The following PLAGL2 variants were observed in gnomAD, a reference collection of about 807,000 sequenced individuals.
The protein encoded by PLAGL2 is PLAG1 like zinc finger 2.
PLAGL2 carries 7 observed loss-of-function variants against 29.0 expected under a neutral mutation model. The observed-to-expected ratio is 0.24, with a 90% CI of 0.14 to 0.45. PLAGL2 has a LOEUF of 0.45. Ranked by LOEUF, PLAGL2 falls within the 20% of genes least tolerant of loss-of-function variation. The pLI is 0.99. For synonymous variants in PLAGL2, 234 were observed against 266.0 expected (o/e 0.88, Z 1.17); for missense variants, 454 against 648.2 (o/e 0.70, Z 3.25).
rs773026582 is a variant in PLAGL2, at chr20:32,197,505, C to T, written c.438G>A (p.Leu146=). ...YNTKLGYRRH[L]AMHAASSGDL... is the part of the protein sequence containing the mutation. Reference sequence around the variant, plus strand: ...CACCGCTGCTGGCAGCATGCATGGCCAGGTGGCGCCGGTAGCCCAGCTTCG... The same window carrying T: ...CACCGCTGCTGGCAGCATGCATGGCTAGGTGGCGCCGGTAGCCCAGCTTCG... The change falls in exon 3 of 3, where the codon CTG becomes CTA. Residue 146 remains leucine, a synonymous_variant. Coordinates refer to ENST00000246229, the MANE Select transcript of PLAGL2 (RefSeq NM_002657.3). This position sits in a 1 kb window ranked among gnomAD's most constrained non-coding sequence, Gnocchi z 6.6. 6.2e-7 allele frequency: 1 copy of T among 1,614,098 alleles called. No homozygotes were observed. The highest frequency in any genetic ancestry group is 1.7e-5 in the Admixed American group (1 of 60,028).
chr20:32,197,756 G>T lies in PLAGL2; in HGVS notation c.261-74C>A. On this transcript the variant is annotated intron_variant, in intron 2 of 2. Transcript: ENST00000246229. This position sits in a 1 kb window ranked among gnomAD's most constrained non-coding sequence, Gnocchi z 6.6. Reference sequence around the variant, plus strand: ...CACAAGGGATGACTGGACAACCAAAGGTGTCCATTAACAGGAAACTAGATA... The same window carrying T: ...CACAAGGGATGACTGGACAACCAAATGTGTCCATTAACAGGAAACTAGATA... The T allele has an allele frequency of 1.6e-6, 2 of 1,276,192 alleles. No individual in the cohort carries two copies. The highest frequency in any genetic ancestry group is 2.2e-6 in the Non-Finnish European group (2 of 905,796). 79.1% of individuals were successfully genotyped at this position (1,276,192 alleles called of 1,614,324 possible).
At chr20:32,202,652 A>T (rs1165676269) in intron 1 of PLAGL2, among the ~76,000 whole-genome samples, 1 of 152,188 alleles carries the variant, frequency 6.6e-6, no homozygotes, top group African/African-American at 2.4e-5. Flanking sequence ...TCTGGACCTC[A>T]CTTTTATATC....
Position 32,202,155 on chromosome 20 carries a change from G to C in PLAGL2, c.24C>G (p.Val8=). 6.2e-7 allele frequency: 1 copy of C among 1,614,162 alleles called. No individual in the cohort carries two copies. The highest frequency in any genetic ancestry group is 8.5e-7 in the Non-Finnish European group (1 of 1,180,030). The change falls in exon 2 of 3, where the codon GTC becomes GTG. Residue 8 remains valine, a synonymous_variant. Transcript: ENST00000246229. MTTFFTS[V]PPWIQDAKQE... is the part of the protein sequence containing the mutation. Reference sequence around the variant, plus strand: ...GCTTTGCATCTTGAATCCAGGGGGGGACGCTGGTGAAAAATGTGGTCATGG... The same window carrying C: ...GCTTTGCATCTTGAATCCAGGGGGGCACGCTGGTGAAAAATGTGGTCATGG...
At chr20:32,203,417 G>A (rs751778332) in intron 1 of PLAGL2, among the ~76,000 whole-genome samples, 1 of 152,200 alleles carries the variant, frequency 6.6e-6, no homozygotes, top group Non-Finnish European at 1.5e-5. Context: ...GGAAGAGGAT[G>A]GGAGTTACCA....
In PLAGL2 at chr20:32,196,488, G is replaced by A. The variant is rs2047228696; in HGVS notation, c.1455C>T (p.Ser485=). ...LPPVFTSGLS[S]TTLPRFHQAF... ...CTTGATGGAAACGAGGCAGGGTGGTGCTACTCAGGCCAGACGTGAAGACAG... is the reference window on the plus strand; with the variant it reads ...CTTGATGGAAACGAGGCAGGGTGGTACTACTCAGGCCAGACGTGAAGACAG... Residue 485 remains serine, a synonymous_variant, in exon 3 of 3, where the codon AGC becomes AGT. Transcript: ENST00000246229. The A allele has an allele frequency of 1.3e-6, 2 of 1,504,940 alleles. No individual in the cohort carries two copies. The highest frequency in any genetic ancestry group is 1.8e-4 in the Middle Eastern group (1 of 5,544). 93.2% of individuals were successfully genotyped at this position (1,504,940 alleles called of 1,614,324 possible). A position where few individuals can be genotyped will look rare whatever the true frequency, so the allele number is the denominator to read the frequency against.
chr20:32,204,495 T>C (rs74963132), intron 1 of PLAGL2, among the ~76,000 whole-genome samples: 1 of 152,212 alleles, frequency 6.6e-6, no homozygotes, highest in Non-Finnish European at 1.5e-5. Flanking sequence ...GCAGCAGCCA[T>C]GTGCTCACCT....
Position 32,196,385 on chromosome 20 carries a change from C to A in PLAGL2, c.*67G>T. On this transcript the variant is annotated 3_prime_UTR_variant, in exon 3 of 3. Transcript: ENST00000246229. ...AAAGCTCAGCTGCCTTCATGGGGGACACAGACGGGGTGGGTACTAAGGCTC... is the reference window on the plus strand; with the variant it reads ...AAAGCTCAGCTGCCTTCATGGGGGAAACAGACGGGGTGGGTACTAAGGCTC... The A allele has an allele frequency of 8.3e-7, 1 of 1,199,102 alleles. No homozygotes were observed. The highest frequency in any genetic ancestry group is 1.1e-6 in the Non-Finnish European group (1 of 906,898). The allele number at this position is 1,199,102 out of a possible 1,614,324, so 74.3% of individuals were successfully genotyped here.
In PLAGL2 at chr20:32,201,903, T is replaced by A; in HGVS notation, c.260+16A>T. The A allele has an allele frequency of 6.2e-7, 1 of 1,605,766 alleles. No homozygotes were observed. Among genetic ancestry groups the A allele is most frequent in the African/African-American group, 1.3e-5 (1 of 74,762 alleles). Reference sequence around the variant, plus strand: ...GGGAACCTCAGGGCAGGAAGAGATATGAGAGTGTCACCTACCTATACAGCT... The same window carrying A: ...GGGAACCTCAGGGCAGGAAGAGATAAGAGAGTGTCACCTACCTATACAGCT... On this transcript the variant is annotated intron_variant, in intron 2 of 2. Transcript: ENST00000246229.
chr20:32,203,097 G>C (rs903976236), intron 1 of PLAGL2, among the ~76,000 whole-genome samples: 2 of 152,208 alleles, frequency 1.3e-5, no homozygotes, highest in Admixed American at 1.3e-4. Flanking sequence ...GAAGACGGTA[G>C]CGAGCTCGCA....
At position 32,197,688 on chromosome 20, in the gene PLAGL2, G is replaced by T. The variant is rs2047237726; in HGVS notation, c.261-6C>A. On this transcript the variant is annotated splice_region_variant and splice_polypyrimidine_tract_variant and intron_variant, in intron 2 of 2. Transcript: ENST00000246229. The surrounding 1 kb of genome is among the most constrained non-coding windows in gnomAD (Gnocchi z 6.6). ...CTGAGTGGGTGGCCATGTGCCTGGG[G>T]GTAGAGACAGGGGATAGGGGAGAAA... 3 of 1,611,248 alleles carry T rather than the reference G, an allele frequency of 1.9e-6. No homozygotes were observed. Among genetic ancestry groups the T allele is most frequent in the Non-Finnish European group, 2.5e-6 (3 of 1,177,884 alleles).
chr20:32,205,382 C>T (rs943928927), intron 1 of PLAGL2, among the ~76,000 whole-genome samples: 1 of 152,164 alleles, frequency 6.6e-6, no homozygotes, highest in Non-Finnish European at 1.5e-5. Flanking sequence ...TACTTTACCT[C>T]CCTCCAGGCA....
chr20:32,205,626 T>C (rs1246562454), intron 1 of PLAGL2, among the ~76,000 whole-genome samples: 2 of 152,232 alleles, frequency 1.3e-5, no homozygotes, highest in Non-Finnish European at 2.9e-5. Context: ...ATCATCTCTA[T>C]AGAAACTGCG....
At position 32,197,583 on chromosome 20, in the gene PLAGL2, A is replaced by G. The variant is rs749738600; in HGVS notation, c.360T>C (p.His120=). 5.0e-6 allele frequency: 8 copies of G among 1,614,162 alleles called. No individual in the cohort carries two copies. The South Asian group carries it at 5.5e-5, about 11-fold the overall frequency. The change falls in exon 3 of 3, where the codon CAT becomes CAC. Residue 120 remains histidine (H), a synonymous_variant. Coordinates refer to ENST00000246229, the MANE Select transcript of PLAGL2 (RefSeq NM_002657.3). The surrounding 1 kb of genome is among the most constrained non-coding windows in gnomAD (Gnocchi z 6.6). Reference sequence around the variant, plus strand: ...AGTGGAGGGCCTCTTTGTTAGGATCATGGGTCTGCAGATGGTTCCGCAGAT... The same window carrying G: ...AGTGGAGGGCCTCTTTGTTAGGATCGTGGGTCTGCAGATGGTTCCGCAGAT... ...KDHLRNHLQT[H]DPNKEALHCS...
intron 2 of PLAGL2, among the ~76,000 whole-genome samples, chr20:32,199,468 T>C (rs1011780820): frequency 2.0e-5 from 3 of 152,218 alleles, no homozygotes; most frequent in Admixed American, 6.5e-5. Flanking sequence ...TTATATGTGA[T>C]GAGTCAGGGC....
chr20:32,198,078 T>C (rs1600374469), intron 2 of PLAGL2, among the ~76,000 whole-genome samples: 4 of 152,228 alleles, frequency 2.6e-5, no homozygotes, highest in African/African-American at 9.6e-5. Context: ...ATAGTGGATG[T>C]AGACTAGGAC....
chr20:32,197,768 C>T lies in PLAGL2; in HGVS notation c.261-86G>A. ...CTGGACAACCAAAGGTGTCCATTAACAGGAAACTAGATATAAAAACCATGG... is the reference window on the plus strand; with the variant it reads ...CTGGACAACCAAAGGTGTCCATTAATAGGAAACTAGATATAAAAACCATGG... On this transcript the variant is annotated intron_variant, in intron 2 of 2. Coordinates refer to ENST00000246229, the MANE Select transcript of PLAGL2 (RefSeq NM_002657.3). This position sits in a 1 kb window ranked among gnomAD's most constrained non-coding sequence, Gnocchi z 6.6. The T allele has an allele frequency of 1.8e-6, 2 of 1,101,060 alleles. No homozygotes were observed. The highest frequency in any genetic ancestry group is 2.6e-6 in the Non-Finnish European group (2 of 755,584). The allele number at this position is 1,101,060 out of a possible 1,614,324, so 68.2% of individuals were successfully genotyped here.
At chr20:32,206,865 G>C (rs2047290610) in intron 1 of PLAGL2, among the ~76,000 whole-genome samples, 1 of 152,206 alleles carries the variant, frequency 6.6e-6, no homozygotes, top group African/African-American at 2.4e-5. Context: ...AATCCAGGGA[G>C]AAGTCTGGAG....
intron 2 of PLAGL2, among the ~76,000 whole-genome samples, chr20:32,200,840 C>A (rs1176768374): frequency 6.6e-6 from 1 of 151,258 alleles, no homozygotes; most frequent in Non-Finnish European, 1.5e-5. Context: ...GTGATCCGCC[C>A]GCCTCAGCCT....
rs1314159518 is a variant in PLAGL2, at chr20:32,196,787, C to T, written c.1156G>A (p.Ala386Thr). 1 of 1,609,830 alleles carries T rather than the reference C, an allele frequency of 6.2e-7. No homozygotes were observed. Among genetic ancestry groups the T allele is most frequent in the Non-Finnish European group, 8.5e-7 (1 of 1,177,384 alleles). Residue 386 changes from alanine (A) to threonine (T), a missense_variant, in exon 3 of 3, where the codon GCA (alanine) becomes ACA (threonine). Coordinates refer to ENST00000246229, the MANE Select transcript of PLAGL2 (RefSeq NM_002657.3). ...EPQPASPQPAAAAALLDEALL... is the reference protein window; with the variant it reads ...EPQPASPQPATAAALLDEALL... ...GCTTCATCTAGGAGGGCCGCAGCTG[C>T]CGCCGGCTGAGGTGAGGCGGGCTGG...
Sources: allele counts gnomAD v4.1 joint callset (sites outside exome capture counted in the v4.1 genomes callset), GRCh38; gene constraint gnomAD v4.1.1; non-coding constraint Gnocchi (gnomAD v3.1); transcripts MANE v1.5; gene names NCBI Gene and HGNC (gene_info 2026-07-23, HGNC 2026-07-21).